SLC27A2: variants seen among roughly 807,000 people sequenced by gnomAD.
The protein encoded by SLC27A2 is long-chain fatty acid transport protein 2.
SLC27A2 carries 54 observed loss-of-function variants against 60.0 expected under a neutral mutation model. That is an observed-to-expected ratio of 0.90 (90% confidence interval 0.72 to 1.13). The LOEUF is 1.13. SLC27A2 is among the 50% of genes most tolerant of loss of function. The pLI is 0.00. For missense variants in SLC27A2, 739 were observed against 777.6 expected (o/e 0.95, Z 0.59); for synonymous variants, 297 against 297.6 (o/e 1.00, Z 0.02).
chr15:50,182,495 G>T lies in SLC27A2; in HGVS notation c.68G>T (p.Cys23Phe). 1 of 1,611,510 alleles carries T rather than the reference G, an allele frequency of 6.2e-7. No individual in the cohort carries two copies. The highest frequency in any genetic ancestry group is 8.5e-7 in the Non-Finnish European group (1 of 1,178,968). Residue 23 changes from cysteine (C) to phenylalanine (F), a missense_variant, in exon 1 of 10, where the codon TGC becomes TTC. Transcript: ENST00000267842. ...CTGCCGCTCCTGGTGAACCTCTGCT[G>T]CCCATACTTCTTCCAGGACATAGGC... The part of the protein sequence containing the change: ...LFLPLLVNLC[C>F]PYFFQDIGYF...
chr15:50,205,508 T>C (rs936335036), intron 4 of SLC27A2, 145 bp downstream of exon 4: 3 of 672,108 alleles, frequency 4.5e-6, no homozygotes, highest in Admixed American at 3.1e-5. Flanking sequence ...CTTGGCACTA[T>C]ACCTACCATA....
At chr15:50,220,694 C>A (rs1167190447) in intron 4 of SLC27A2, among the ~76,000 whole-genome samples, 1 of 152,152 alleles carries the variant, frequency 6.6e-6, no homozygotes, top group African/African-American at 2.4e-5. Flanking sequence ...TACTGACAGT[C>A]CTTATGGAAG....
chr15:50,233,471 G>A (rs571916160), intron 8 of SLC27A2, among the ~76,000 whole-genome samples: 3 of 152,336 alleles, frequency 2.0e-5, no homozygotes, highest in Admixed American at 2.0e-4. Context: ...CACAGGATCT[G>A]GAGCCAGGCT....
intron 3 of SLC27A2, among the ~76,000 whole-genome samples, 171 bp downstream of exon 3, chr15:50,202,816 G>A (rs1211072900): frequency 6.6e-6 from 1 of 152,078 alleles, no homozygotes; most frequent in Non-Finnish European, 1.5e-5. Context: ...AAAATAATCT[G>A]TTTTTCATGC....
intron 6 of SLC27A2, 46 bp downstream of exon 6, chr15:50,226,124 G>A (rs2045276905): frequency 8.2e-7 from 1 of 1,214,394 alleles, no homozygotes; most frequent in East Asian, 2.3e-5. Context: ...TTCTTATCTT[G>A]ATCAAGTGAC....
At chr15:50,204,759 ACT>A (rs1312013980) in intron 3 of SLC27A2, among the ~76,000 whole-genome samples, 7 of 149,838 alleles carry the variant, frequency 4.7e-5, no homozygotes, top group Non-Finnish European at 8.9e-5. Flanking sequence ...ATAGAGCAAG[ACT>A]CTGTCTCAAA....
intron 4 of SLC27A2, among the ~76,000 whole-genome samples, chr15:50,215,502 G>A (rs1595688707): frequency 6.6e-6 from 1 of 152,074 alleles, no homozygotes; most frequent in Non-Finnish European, 1.5e-5. Context: ...AGCCCGCATA[G>A]CCAAAGCAAG....
intron 2 of SLC27A2, 89 bp from the exon 3 acceptor site, chr15:50,202,398 G>T: frequency 7.5e-7 from 1 of 1,333,010 alleles, no homozygotes; most frequent in Non-Finnish European, 1.1e-6. Context: ...AAAATACAGG[G>T]TGATGAATCT....
At chr15:50,189,641 G>A (rs1047578403) in intron 1 of SLC27A2, among the ~76,000 whole-genome samples, 3 of 152,188 alleles carry the variant, frequency 2.0e-5, no homozygotes, top group African/African-American at 7.2e-5. Flanking sequence ...TTCAGAAACA[G>A]GGACTGAAGA....
intron 4 of SLC27A2, among the ~76,000 whole-genome samples, chr15:50,213,061 A>G (rs1401415927): frequency 6.6e-6 from 1 of 152,214 alleles, no homozygotes; most frequent in Non-Finnish European, 1.5e-5. Flanking sequence ...CAGGAGACTC[A>G]CCTAGCACAT....
At chr15:50,207,483 G>C (rs1401460816) in intron 4 of SLC27A2, among the ~76,000 whole-genome samples, 1 of 152,008 alleles carries the variant, frequency 6.6e-6, no homozygotes, top group Non-Finnish European at 1.5e-5. Flanking sequence ...TTCAGTTAAA[G>C]ATTTTTTTAA....
At chr15:50,230,751 A>G (rs2045311635) in intron 8 of SLC27A2, among the ~76,000 whole-genome samples, 2 of 152,264 alleles carry the variant, frequency 1.3e-5, no homozygotes, top group South Asian at 4.1e-4. Context: ...GTGCCACCCT[A>G]CGCTCTTGCA....
intron 1 of SLC27A2, among the ~76,000 whole-genome samples, chr15:50,192,793 A>G (rs1459370073): frequency 6.6e-6 from 1 of 151,434 alleles, no homozygotes; most frequent in Admixed American, 6.6e-5. Flanking sequence ...TTCTTAAAAA[A>G]AAAAAAAAGA....
intron 3 of SLC27A2, 96 bp from the exon 4 acceptor site, chr15:50,205,143 T>G: frequency 7.1e-7 from 1 of 1,410,456 alleles, no homozygotes; most frequent in Non-Finnish European, 9.6e-7. Context: ...ATAATTTATT[T>G]TTAAATTTCT....
chr15:50,210,557 G>A (rs903817733), intron 4 of SLC27A2, among the ~76,000 whole-genome samples: 1 of 152,188 alleles, frequency 6.6e-6, no homozygotes, highest in Non-Finnish European at 1.5e-5. Context: ...GTGGCCAGAG[G>A]AGCAGGGGGC....
chr15:50,195,725 C>T (rs35780748), intron 1 of SLC27A2, among the ~76,000 whole-genome samples: 1 of 151,760 alleles, frequency 6.6e-6, no homozygotes, highest in African/African-American at 2.4e-5. Flanking sequence ...ACACAAACAT[C>T]TGAAAAACAA....
At chr15:50,198,035 TACATCCAGAGTCCATATAGAC>T (rs2045037734) in intron 2 of SLC27A2, among the ~76,000 whole-genome samples, 1 of 152,122 alleles carries the variant, frequency 6.6e-6, no homozygotes, top group Admixed American at 6.6e-5. Context: ...TTGATTATAT[TACATCCAGAGTCCATATAGAC>T]TGTATAATTG....
At chr15:50,205,892 A>T (rs1232153068) in intron 4 of SLC27A2, among the ~76,000 whole-genome samples, 1 of 152,164 alleles carries the variant, frequency 6.6e-6, no homozygotes, top group Non-Finnish European at 1.5e-5. Flanking sequence ...CTTTTACTTA[A>T]TGCTGTTTAA....
intron 4 of SLC27A2, among the ~76,000 whole-genome samples, chr15:50,217,750 A>G (rs976877785): frequency 6.6e-6 from 1 of 152,130 alleles, no homozygotes; most frequent in African/African-American, 2.4e-5. Flanking sequence ...AAAGAAAAGA[A>G]GCATCAACTC....
Sources: allele counts gnomAD v4.1 joint callset (sites outside exome capture counted in the v4.1 genomes callset), GRCh38; gene constraint gnomAD v4.1.1; transcripts MANE v1.5; gene names NCBI Gene and HGNC (gene_info 2026-07-23, HGNC 2026-07-21).